ST3GAL3: variants seen among roughly 807,000 people sequenced by gnomAD.
ST3GAL3 encodes CMP-N-acetylneuraminate-beta-1,4-galactoside alpha-2,3-sialyltransferase.
A neutral mutation model predicts 50.1 loss-of-function variants in ST3GAL3; 21 were observed. The ratio of observed to expected loss-of-function variants is 0.42; its 90% CI spans 0.30 to 0.60. The LOEUF is 0.60. Ranked by LOEUF, ST3GAL3 falls within the 20% of genes least tolerant of loss-of-function variation. The probability of loss-of-function intolerance (pLI) is 0.19; values close to 1 mark genes in which losing one functional copy is unlikely to be tolerated. For synonymous variants in ST3GAL3, 183 were observed against 190.0 expected (o/e 0.96, Z 0.30); for missense variants, 353 against 489.4 (o/e 0.72, Z 2.63).
intron 5 of ST3GAL3, chr1:43,850,944 T>G (rs1337910393): frequency 1.9e-6 from 2 of 1,063,102 alleles, no homozygotes; most frequent in Non-Finnish European, 2.9e-6. Context: ...TCCTTTCCTG[T>G]AGAAGATCGT....
At chr1:43,927,663 A>G (rs1030604358) in intron 11 of ST3GAL3, among the ~76,000 whole-genome samples, 1 of 152,246 alleles carries the variant, frequency 6.6e-6, no homozygotes, top group African/African-American at 2.4e-5. Context: ...ATATTGAGGC[A>G]CCTACTCTGT....
At chr1:43,838,408 C>G in intron 5 of ST3GAL3, 97 bp downstream of exon 5, 1 of 1,133,172 alleles carries the variant, frequency 8.8e-7, no homozygotes, top group Non-Finnish European at 1.3e-6. Flanking sequence ...TTCTCCTATG[C>G]TCTGGAAACC....
At chr1:43,775,292 G>T (rs1444930331) in intron 2 of ST3GAL3, among the ~76,000 whole-genome samples, 1 of 150,842 alleles carries the variant, frequency 6.6e-6, no homozygotes, top group Non-Finnish European at 1.5e-5. Context: ...GGAGTGGAAT[G>T]GTATGATCTC....
At chr1:43,747,548 C>T (rs1684284501) in intron 2 of ST3GAL3, among the ~76,000 whole-genome samples, 1 of 151,444 alleles carries the variant, frequency 6.6e-6, no homozygotes, top group Admixed American at 6.6e-5. Context: ...TCTGCAGACC[C>T]CATAGCTCAG....
At chr1:43,763,905 C>CA (rs1229301090) in intron 2 of ST3GAL3, among the ~76,000 whole-genome samples, 1 of 152,202 alleles carries the variant, frequency 6.6e-6, no homozygotes, top group Non-Finnish European at 1.5e-5. Flanking sequence ...ATATGCAAGA[C>CA]AGTAGAGGCA....
intron 2 of ST3GAL3, among the ~76,000 whole-genome samples, chr1:43,790,781 G>C (rs147718177): frequency 2.0e-5 from 3 of 151,550 alleles, no homozygotes; most frequent in African/African-American, 7.3e-5. Context: ...ACAGGCACGC[G>C]TACCACGCCC....
intron 2 of ST3GAL3, among the ~76,000 whole-genome samples, chr1:43,769,128 A>G (rs956797717): frequency 6.6e-6 from 1 of 152,232 alleles, no homozygotes; most frequent in Non-Finnish European, 1.5e-5. Context: ...AATCACATTC[A>G]TAGGTTAAAT....
chr1:43,734,185 C>T (rs992319169), intron 1 of ST3GAL3, among the ~76,000 whole-genome samples: 7 of 151,860 alleles, frequency 4.6e-5, no homozygotes, highest in Non-Finnish European at 8.8e-5. Context: ...GAAAGTCTTG[C>T]CCATTTCTTG....
intron 2 of ST3GAL3, among the ~76,000 whole-genome samples, chr1:43,754,056 G>A (rs146520488): frequency 7.9e-4 from 120 of 152,306 alleles, no homozygotes; most frequent in African/African-American, 2.7e-3. Flanking sequence ...CTGTAAAAAG[G>A]AGAGGGTCTT....
rs1234911137 is a variant in ST3GAL3, at chr1:43,918,294, T to C, written c.745-2110T>C. 2.0e-5 allele frequency among the ~76,000 whole-genome samples: 3 copies of C among 151,942 alleles called. No homozygotes were observed. The East Asian group carries it at 5.8e-4, about 29-fold the overall frequency. On this transcript the variant is annotated intron_variant, in intron 9 of 11. Transcript: ENST00000347631. ...CACCATGCTCTGCTCATTTTTGTAT[T>C]TTCTATAGAGACAGGGTTTCTCCAC...
chr1:43,724,043 C>T (rs1171579563), intron 1 of ST3GAL3, among the ~76,000 whole-genome samples: 3 of 152,014 alleles, frequency 2.0e-5, no homozygotes, highest in Non-Finnish European at 4.4e-5. Context: ...TAAGATAGCA[C>T]CCTGAGCTGC....
chr1:43,797,753 A>G (rs556708203), intron 3 of ST3GAL3, among the ~76,000 whole-genome samples: 1 of 152,318 alleles, frequency 6.6e-6, no homozygotes, highest in South Asian at 2.1e-4. Flanking sequence ...AATGTAATAA[A>G]GCAATAAAAA....
At chr1:43,756,887 T>G (rs1418696392) in intron 2 of ST3GAL3, among the ~76,000 whole-genome samples, 1 of 152,128 alleles carries the variant, frequency 6.6e-6, no homozygotes, top group Non-Finnish European at 1.5e-5. Context: ...CTATTAATGT[T>G]ACTAAATCTC....
chr1:43,865,852 G>A (rs780449305), intron 5 of ST3GAL3, among the ~76,000 whole-genome samples: 1 of 152,240 alleles, frequency 6.6e-6, no homozygotes, highest in African/African-American at 2.4e-5. Flanking sequence ...TCACCATCAT[G>A]AGGTTGAAAA....
At chr1:43,798,840 C>T (rs1393795702) in intron 3 of ST3GAL3, among the ~76,000 whole-genome samples, 3 of 152,182 alleles carry the variant, frequency 2.0e-5, no homozygotes, top group East Asian at 1.9e-4. Context: ...ATTTAGAATG[C>T]GTCTGGCACA....
chr1:43,828,829 G>A (rs2063158195), intron 4 of ST3GAL3, among the ~76,000 whole-genome samples: 1 of 152,088 alleles, frequency 6.6e-6, no homozygotes, highest in Admixed American at 6.6e-5. Flanking sequence ...GGCCACTTTG[G>A]AGCACAGTTT....
At chr1:43,891,329 G>A (rs921985459) in intron 5 of ST3GAL3, among the ~76,000 whole-genome samples, 1 of 152,218 alleles carries the variant, frequency 6.6e-6, no homozygotes, top group Non-Finnish European at 1.5e-5. Flanking sequence ...CAGCACTTTG[G>A]GAGGCCAAGG....
chr1:43,740,278 G>A (rs1039247428), intron 2 of ST3GAL3, among the ~76,000 whole-genome samples: 7 of 150,686 alleles, frequency 4.6e-5, no homozygotes, highest in Admixed American at 1.3e-4. Flanking sequence ...CAGGAGAACC[G>A]CTTGAACTCG....
intron 2 of ST3GAL3, among the ~76,000 whole-genome samples, chr1:43,773,982 G>A (rs1321249785): frequency 6.6e-6 from 1 of 152,212 alleles, no homozygotes; most frequent in Non-Finnish European, 1.5e-5. Flanking sequence ...CACAGGACAT[G>A]CTACAAGCCA....
Sources: gnomAD v4.1 joint callset for allele counts (sites outside exome capture counted in the v4.1 genomes callset) on GRCh38, gnomAD v4.1.1 for gene constraint, MANE v1.5 for transcripts, NCBI Gene and HGNC (gene_info 2026-07-23, HGNC 2026-07-21) for gene names.